NOS1: variants seen among roughly 807,000 people sequenced by gnomAD.
NOS1 encodes NOS type I.
In NOS1, 51 loss-of-function variants were observed where a neutral mutation model predicts 164.5. The observed-to-expected ratio is 0.31, with a 90% CI of 0.25 to 0.39. NOS1 has a LOEUF of 0.39. Among genes scored for constraint, NOS1 ranks in the 10% least tolerant of loss-of-function variants. NOS1 has a pLI of 1.00. For synonymous variants in NOS1, 719 were observed against 745.8 expected, an observed-to-expected ratio of 0.96 and a Z score of 0.59; for missense variants, 1,362 against 1,885.6, an observed-to-expected ratio of 0.72 and a Z score of 5.14.
intron 20 of NOS1, among the ~76,000 whole-genome samples, chr12:117,236,408 G>A (rs1371478289): frequency 6.6e-6 from 1 of 152,068 alleles, no homozygotes; most frequent in African/African-American, 2.4e-5. Context: ...TTTTGGGGGA[G>A]GAAAGGGTGT....
chr12:117,357,926 T>C (rs1385789547), intron 1 of NOS1, among the ~76,000 whole-genome samples: 1 of 152,116 alleles, frequency 6.6e-6, no homozygotes, highest in Non-Finnish European at 1.5e-5. Flanking sequence ...GTTCAAACAA[T>C]CCAGATTAAA....
At chr12:117,353,200 TATC>T (rs1456840552) in intron 1 of NOS1, among the ~76,000 whole-genome samples, 1 of 152,178 alleles carries the variant, frequency 6.6e-6, no homozygotes, top group Non-Finnish European at 1.5e-5. Flanking sequence ...TCTACCTACC[TATC>T]ATCTGTTATC....
intron 16 of NOS1, among the ~76,000 whole-genome samples, chr12:117,256,284 G>GTTTTTTTTTGTTTTTT (rs1555252508): frequency 4.2e-5 from 5 of 118,488 alleles, no homozygotes; most frequent in South Asian, 5.1e-4. Flanking sequence ...GGGATTTTCT[G>GTTTTTTTTTGTTTTTT]TTTTTTTTTT....
chr12:117,211,756 TG>T lies in NOS1; in HGVS notation c.*3552del. On this transcript the variant is annotated 3_prime_UTR_variant, in exon 29 of 29. Coordinates refer to ENST00000317775, the MANE Select transcript of NOS1 (RefSeq NM_000620.5). Reference sequence around the variant, plus strand: ...AAATTTATGTCAGTTCCAAGACGGGTGTCTCTCTCCATCAGATTATAACCTT... The same window carrying T: ...AAATTTATGTCAGTTCCAAGACGGGTTCTCTCTCCATCAGATTATAACCTT... 3 of 985,380 alleles carry T rather than the reference TG, an allele frequency of 3.0e-6. No homozygotes were observed. Among genetic ancestry groups the T allele is most frequent in the Non-Finnish European group, 3.6e-6 (3 of 829,960 alleles). 61.0% of individuals were successfully genotyped at this position (985,380 alleles called of 1,614,324 possible).
chr12:117,288,838 A>G lies in NOS1; in HGVS notation c.982-619T>C, dbSNP rs533566162. ...AACAAGCCCAAGCTAGCTTGCTGGA[A>G]GAGGAGAGACCACATGGAACAGGGT... On this transcript the variant is annotated intron_variant, in intron 4 of 28. Coordinates refer to ENST00000317775, the MANE Select transcript of NOS1 (RefSeq NM_000620.5). Among the ~76,000 whole-genome samples the G allele has an allele frequency of 3.9e-4, 60 of 152,242 alleles. 1 individual carries two copies. Among genetic ancestry groups the G allele is most frequent in the African/African-American group, 1.4e-3 (57 of 41,548 alleles).
intron 1 of NOS1, among the ~76,000 whole-genome samples, chr12:117,344,686 G>A (rs568153114): frequency 6.6e-6 from 1 of 152,290 alleles, no homozygotes; most frequent in Admixed American, 6.5e-5. Flanking sequence ...AGAGATGCTA[G>A]GGATTTTCTA....
intron 1 of NOS1, among the ~76,000 whole-genome samples, chr12:117,358,613 G>A (rs771839795): frequency 1.3e-5 from 2 of 152,202 alleles, no homozygotes; most frequent in Admixed American, 1.3e-4. Flanking sequence ...ACAGCCCCGT[G>A]TGGGAGTTAC....
chr12:117,215,316 C>T lies in NOS1; in HGVS notation c.4298G>A (p.Ser1433Asn), dbSNP rs1158473324. Reference sequence around the variant, plus strand: ...CTGGGCAAGAGGGTCCAGTTAGGAGCTGAAAACCCTGTGGAAAGAGAAGTT... The same window carrying T: ...CTGGGCAAGAGGGTCCAGTTAGGAGTTGAAAACCCTGTGGAAAGAGAAGTT... ...ESKKDTDEVFSS is the reference protein window; with the variant it reads ...ESKKDTDEVFNS The change falls in exon 29 of 29, where the codon AGC becomes AAC. Residue 1433 changes from serine (S) to asparagine (N), a missense_variant. By Grantham distance (46) the Ser-to-Asn change is conservative. Coordinates refer to ENST00000317775, the MANE Select transcript of NOS1 (RefSeq NM_000620.5). 1 of 1,549,542 alleles carries T rather than the reference C, an allele frequency of 6.5e-7. No homozygotes were observed. Among genetic ancestry groups the T allele is most frequent in the Admixed American group, 1.9e-5 (1 of 52,158 alleles).
Position 117,356,561 on chromosome 12 carries a change from A to G in NOS1, c.-421+4951T>C, listed in dbSNP as rs1010989156. On this transcript the variant is annotated intron_variant, in intron 1 of 28. Coordinates refer to ENST00000317775, the MANE Select transcript of NOS1 (RefSeq NM_000620.5). The surrounding 1 kb of genome is among the most constrained non-coding windows in gnomAD (Gnocchi z 4.2). ...GTTTCATTAGAATGGGGCTCACACCACCTTTATCTGGGCACCTGCCCTTGG... is the reference window on the plus strand; with the variant it reads ...GTTTCATTAGAATGGGGCTCACACCGCCTTTATCTGGGCACCTGCCCTTGG... Among the ~76,000 whole-genome samples, 2 of 152,166 alleles carry G rather than the reference A, an allele frequency of 1.3e-5. No homozygotes were observed. The highest frequency in any genetic ancestry group is 2.9e-5 in the Non-Finnish European group (2 of 68,036).
chr12:117,329,775 G>A (rs1016811358), intron 2 of NOS1, among the ~76,000 whole-genome samples: 1 of 152,132 alleles, frequency 6.6e-6, no homozygotes, highest in Admixed American at 6.5e-5. Context: ...TTAGGAACCG[G>A]GGCCAGTTCT....
intron 10 of NOS1, among the ~76,000 whole-genome samples, chr12:117,269,460 ATTTGTTTTTTTTT>A: frequency 9.1e-6 from 1 of 110,038 alleles, no homozygotes; most frequent in South Asian, 2.8e-4. Context: ...ATCTCTGGAG[ATTTGTTTTTTTTT>A]TTTTTTTTTT....
chr12:117,213,350 A>T lies in NOS1; in HGVS notation c.*1959T>A. On this transcript the variant is annotated 3_prime_UTR_variant, in exon 29 of 29. Transcript: ENST00000317775. ...AGGAGTTTAGAATGGGCTTCCCTTC[A>T]GGATTAGAAGGGGTGAGTGTGGGAT... The T allele has an allele frequency of 1.0e-6, 1 of 985,454 alleles. No homozygotes were observed. The highest frequency in any genetic ancestry group is 4.7e-5 in the South Asian group (1 of 21,286). The allele number at this position is 985,454 out of a possible 1,614,324, so 61.0% of individuals were successfully genotyped here.
At chr12:117,216,490 T>C (rs1186825646) in intron 28 of NOS1, among the ~76,000 whole-genome samples, 2 of 151,716 alleles carry the variant, frequency 1.3e-5, no homozygotes, top group African/African-American at 4.8e-5. Flanking sequence ...CCTTTTTTTT[T>C]CTCTTGAGAT....
chr12:117,235,998 GCAC>G (rs146597035), intron 20 of NOS1, among the ~76,000 whole-genome samples: 7,719 of 152,188 alleles, frequency 0.051, 344 homozygotes, highest in South Asian at 0.12. Flanking sequence ...AGCAGAAACT[GCAC>G]CACTGCATTC....
chr12:117,244,104 T>A (rs1384154898), intron 18 of NOS1, among the ~76,000 whole-genome samples: 2 of 152,106 alleles, frequency 1.3e-5, no homozygotes, highest in African/African-American at 2.4e-5. Flanking sequence ...AATTTCCCAA[T>A]CCATCTTCCT....
At position 117,262,447 on chromosome 12, in the gene NOS1, A is replaced by AG. The variant is rs1445972207; in HGVS notation, c.2222+1441_2222+1442insC. On this transcript the variant is annotated intron_variant, in intron 13 of 28. Transcript: ENST00000317775. Reference sequence around the variant, plus strand: ...GGGAGGGAGAGAGAGAGAGAGAGAGACAGAGAGAGGAGAGGGAGGGAGGGA... The same window carrying AG: ...GGGAGGGAGAGAGAGAGAGAGAGAGAGCAGAGAGAGGAGAGGGAGGGAGGGA... 9.6e-5 allele frequency among the ~76,000 whole-genome samples: 13 copies of AG among 134,796 alleles called. No homozygotes were observed. The East Asian group carries it at 3.1e-3, about 32-fold the overall frequency. The allele number at this position is 134,796 out of a possible 152,430, so 88.4% of individuals were successfully genotyped here.
intron 11 of NOS1, 110 bp downstream of exon 11, chr12:117,267,933 C>T (rs775954102): frequency 1.5e-5 from 11 of 726,796 alleles, no homozygotes; most frequent in East Asian, 7.7e-5. Flanking sequence ...ACACAATCCC[C>T]GCAAAGGTGG....
chr12:117,240,074 C>A (rs61938674), intron 20 of NOS1, among the ~76,000 whole-genome samples: 2 of 152,148 alleles, frequency 1.3e-5, no homozygotes, highest in Non-Finnish European at 1.5e-5. Flanking sequence ...ATTCTGTAAG[C>A]TGGTCTTTCA....
chr12:117,243,957 C>T lies in NOS1; in HGVS notation c.2824-522G>A, dbSNP rs893190486. On this transcript the variant is annotated intron_variant, in intron 18 of 28. Transcript: ENST00000317775. The surrounding 1 kb of genome is among the most constrained non-coding windows in gnomAD (Gnocchi z 4.3). The stretch of plus-strand genomic sequence containing the variant: ...CCATCCTATATATTTTGAGTGTCTG[C>T]GATGTGCTGGACACGTCGGATTTGA... 2.0e-5 allele frequency among the ~76,000 whole-genome samples: 3 copies of T among 152,160 alleles called. No individual in the cohort carries two copies. Among genetic ancestry groups the T allele is most frequent in the East Asian group, 1.9e-4 (1 of 5,194 alleles).
Sources: gnomAD v4.1 joint callset for allele counts (sites outside exome capture counted in the v4.1 genomes callset) on GRCh38, gnomAD v4.1.1 for gene constraint, Gnocchi (gnomAD v3.1) non-coding constraint, MANE v1.5 for transcripts, NCBI Gene and HGNC (gene_info 2026-07-23, HGNC 2026-07-21) for gene names.